The following ESRRG variants were observed in gnomAD, a reference collection of about 807,000 sequenced individuals.
The protein encoded by ESRRG is estrogen-related receptor gamma.
A neutral mutation model predicts 44.0 loss-of-function variants in ESRRG; 13 were observed. The observed-to-expected ratio is 0.30, with a 90% CI of 0.19 to 0.47. The LOEUF (loss-of-function observed/expected upper bound fraction) is 0.47. ESRRG is among the 20% of genes least tolerant of loss of function. ESRRG has a pLI of 1.00. For missense variants in ESRRG, 395 were observed against 580.6 expected, an observed-to-expected ratio of 0.68 and a Z score of 3.29; for synonymous variants, 215 against 214.6, an observed-to-expected ratio of 1.00 and a Z score of -0.02.
chr1:216,660,141 T>C (rs1392487345), intron 2 of ESRRG, among the ~76,000 whole-genome samples: 1 of 152,188 alleles, frequency 6.6e-6, no homozygotes, highest in Non-Finnish European at 1.5e-5. Context: ...CCTTGTTTTA[T>C]ATAGAAGACC....
intron 1 of ESRRG, among the ~76,000 whole-genome samples, chr1:217,019,860 A>G (rs1423150075): frequency 6.6e-6 from 1 of 152,220 alleles, no homozygotes; most frequent in Non-Finnish European, 1.5e-5. Flanking sequence ...ATTTTCACTT[A>G]GAGAACATAC....
intron 5 of ESRRG, among the ~76,000 whole-genome samples, chr1:216,535,781 A>G (rs1017148136): frequency 6.6e-6 from 1 of 151,938 alleles, no homozygotes; most frequent in African/African-American, 2.4e-5. Context: ...CTTTTCCCCA[A>G]TAGCTAGCTC....
chr1:216,524,038 A>G (rs944073179), intron 5 of ESRRG, among the ~76,000 whole-genome samples: 4 of 151,958 alleles, frequency 2.6e-5, no homozygotes, highest in Non-Finnish European at 4.4e-5. Context: ...GAAGAAAAGA[A>G]TAACAGTGGC....
intron 1 of ESRRG, among the ~76,000 whole-genome samples, chr1:217,079,418 G>A (rs1348396529): frequency 4.6e-5 from 7 of 152,216 alleles, no homozygotes; most frequent in Admixed American, 4.6e-4. Context: ...TTATCTGAAA[G>A]CCAGCCCAGG....
rs573483750 is a variant in ESRRG at position 216,874,665 on chromosome 1, A to T, written c.-14+64917T>A. Among the ~76,000 whole-genome samples the T allele has an allele frequency of 3.3e-5, 5 of 150,146 alleles. No homozygotes were observed. The East Asian group carries it at 7.8e-4, about 23-fold the overall frequency. On this transcript the variant is annotated intron_variant, in intron 2 of 7. Coordinates refer to the ESRRG transcript ENST00000359162. ...TAATATTGAGTGCCAACTCGATTTG[A>T]TTGAAGGATGTAAAGTATTGTTCCT...
intron 5 of ESRRG, among the ~76,000 whole-genome samples, chr1:216,538,573 GGATAAGCCT>G (rs1286018010): frequency 1.3e-5 from 2 of 152,156 alleles, no homozygotes; most frequent in East Asian, 3.9e-4. Flanking sequence ...GGGAAACGCA[GGATAAGCCT>G]GAGAAGCTTG....
intron 2 of ESRRG, among the ~76,000 whole-genome samples, chr1:216,798,650 C>T (rs2094535879): frequency 6.6e-6 from 1 of 152,008 alleles, no homozygotes; most frequent in Admixed American, 6.6e-5. Flanking sequence ...GTTAGGAGGC[C>T]TTTGCAGAAG....
intron 1 of ESRRG, among the ~76,000 whole-genome samples, chr1:217,021,652 G>A (rs896659201): frequency 1.3e-5 from 2 of 152,212 alleles, no homozygotes; most frequent in Non-Finnish European, 2.9e-5. Context: ...AACAGGGACA[G>A]AGAGTTACAG....
At chr1:216,674,861 C>A (rs1312944262) in intron 2 of ESRRG, among the ~76,000 whole-genome samples, 1 of 151,988 alleles carries the variant, frequency 6.6e-6, no homozygotes, top group Non-Finnish European at 1.5e-5. Context: ...GATCCTCCAG[C>A]CTCAGCCTCC....
intron 1 of ESRRG, among the ~76,000 whole-genome samples, chr1:217,034,795 C>G (rs1224163133): frequency 6.6e-6 from 1 of 152,144 alleles, no homozygotes; most frequent in Non-Finnish European, 1.5e-5. Context: ...TACGTAACAC[C>G]AGGTACATTC....
At chr1:216,767,859 G>T (rs1165843295) in intron 2 of ESRRG, among the ~76,000 whole-genome samples, 1 of 152,180 alleles carries the variant, frequency 6.6e-6, no homozygotes, top group Non-Finnish European at 1.5e-5. Flanking sequence ...AAAACTGTCA[G>T]TTGCTTTGTT....
At chr1:216,963,183 T>C (rs928868607) in intron 1 of ESRRG, among the ~76,000 whole-genome samples, 5 of 152,162 alleles carry the variant, frequency 3.3e-5, no homozygotes, top group African/African-American at 1.2e-4. Flanking sequence ...TAAAACAGAT[T>C]ATCCCTGAGG....
At chr1:216,710,269 C>T (rs532063131) in intron 1 of ESRRG, among the ~76,000 whole-genome samples, 3 of 152,288 alleles carry the variant, frequency 2.0e-5, no homozygotes, top group South Asian at 2.1e-4. Context: ...GGCTGGGGCT[C>T]ACGCTGCTCA....
chr1:216,965,160 CTT>C (rs34094121), intron 1 of ESRRG, among the ~76,000 whole-genome samples: 2 of 147,838 alleles, frequency 1.4e-5, no homozygotes, highest in Non-Finnish European at 1.5e-5. Context: ...ACACATATGC[CTT>C]TTTTTTTTTC....
At chr1:216,921,421 C>T (rs2149715974) in intron 2 of ESRRG, among the ~76,000 whole-genome samples, 2 of 152,278 alleles carry the variant, frequency 1.3e-5, no homozygotes, top group Non-Finnish European at 2.9e-5. Flanking sequence ...TTCCCAAGGG[C>T]TCCCCATCTC....
chr1:216,895,545 G>C (rs1479315548), intron 2 of ESRRG, among the ~76,000 whole-genome samples: 1 of 152,116 alleles, frequency 6.6e-6, no homozygotes, highest in Non-Finnish European at 1.5e-5. Flanking sequence ...TCCTCTGAAG[G>C]ATACAAATGT....
At chr1:216,761,060 T>TC (rs2092742852) in intron 2 of ESRRG, among the ~76,000 whole-genome samples, 1 of 149,674 alleles carries the variant, frequency 6.7e-6, no homozygotes, top group African/African-American at 2.5e-5. Context: ...CACCTCAACC[T>TC]CCCCCTGGGG....
intron 1 of ESRRG, among the ~76,000 whole-genome samples, chr1:216,701,163 G>T (rs990940376): frequency 8.5e-5 from 13 of 152,086 alleles, no homozygotes; most frequent in African/African-American, 2.9e-4. Context: ...TTTATTGAGT[G>T]CCTGCTTTTG....
Position 216,847,361 on chromosome 1 carries a change from A to G in ESRRG, c.-14+92221T>C, listed in dbSNP as rs544805460. Among the ~76,000 whole-genome samples, 18 of 152,274 alleles carry G rather than the reference A, an allele frequency of 1.2e-4. No individual in the cohort carries two copies. In the South Asian group the frequency reaches 3.7e-3, roughly 32 times the overall value. On this transcript the variant is annotated intron_variant, in intron 2 of 7. Coordinates refer to the ESRRG transcript ENST00000359162. ...TATAGGGGCAGACAACCTATTTGCTATCTTTATTCTCAACAGACAAAGAAT... is the reference window on the plus strand; with the variant it reads ...TATAGGGGCAGACAACCTATTTGCTGTCTTTATTCTCAACAGACAAAGAAT...
Sources: gnomAD v4.1 joint callset for allele counts (sites outside exome capture counted in the v4.1 genomes callset) on GRCh38, gnomAD v4.1.1 for gene constraint, MANE v1.5 for transcripts, NCBI Gene and HGNC (gene_info 2026-07-23, HGNC 2026-07-21) for gene names.